PLXNC1: variants seen among roughly 807,000 people sequenced by gnomAD.
PLXNC1 encodes plexin-C1.
Under a neutral mutation model 178.2 loss-of-function variants are expected in PLXNC1, and 75 were observed. The observed-to-expected ratio is 0.42, with a 90% CI of 0.35 to 0.51. The LOEUF is 0.51. Ranked by LOEUF, PLXNC1 falls within the 20% of genes least tolerant of loss-of-function variation. The pLI is 0.02. For synonymous variants in PLXNC1, 790 were observed against 779.9 expected (o/e 1.01, Z -0.22); for missense variants, 1,503 against 1,984.4 (o/e 0.76, Z 4.61).
intron 4 of PLXNC1, among the ~76,000 whole-genome samples, chr12:94,201,293 G>A (rs888862359): frequency 1.2e-4 from 18 of 152,214 alleles, no homozygotes; most frequent in African/African-American, 4.1e-4. Flanking sequence ...AAGGCATGTT[G>A]GGCATTGAGC....
intron 17 of PLXNC1, chr12:94,256,267 A>G (rs1357817812): frequency 6.6e-6 from 1 of 152,228 alleles, no homozygotes; most frequent in Admixed American, 6.5e-5. Flanking sequence ...GAGTTCAGAA[A>G]CCCAGACACA....
At chr12:94,166,904 C>G (rs991727425) in intron 1 of PLXNC1, among the ~76,000 whole-genome samples, 1 of 151,952 alleles carries the variant, frequency 6.6e-6, no homozygotes, top group Non-Finnish European at 1.5e-5. Flanking sequence ...ATAGGTGGGA[C>G]AACAGGTGTG....
intron 6 of PLXNC1, among the ~76,000 whole-genome samples, chr12:94,221,855 C>T (rs1195322406): frequency 1.3e-5 from 2 of 152,132 alleles, no homozygotes; most frequent in Non-Finnish European, 2.9e-5. Context: ...GAGGGTGCAG[C>T]CCTCATGATT....
chr12:94,162,470 A>G (rs1961420173), intron 1 of PLXNC1, among the ~76,000 whole-genome samples: 1 of 152,194 alleles, frequency 6.6e-6, no homozygotes, highest in African/African-American at 2.4e-5. Flanking sequence ...CAGCATTGTG[A>G]TGGGAAGCCA....
At chr12:94,220,201 C>A (rs752724837) in intron 6 of PLXNC1, 38 bp downstream of exon 6, 15 of 1,588,016 alleles carry the variant, frequency 9.4e-6, no homozygotes, top group African/African-American at 4.1e-5. Context: ...GTTATAAAAT[C>A]AAAAAAACAA....
chr12:94,166,566 T>TTAC (rs1565789053), intron 1 of PLXNC1, among the ~76,000 whole-genome samples: 1 of 145,938 alleles, frequency 6.9e-6, no homozygotes, highest in Non-Finnish European at 1.5e-5. Context: ...ATTATTATTA[T>TTAC]TACTATCATC....
intron 2 of PLXNC1, among the ~76,000 whole-genome samples, chr12:94,170,907 C>G (rs1395234693): frequency 6.6e-6 from 1 of 152,216 alleles, no homozygotes; most frequent in African/African-American, 2.4e-5. Context: ...ACGTCTGTAG[C>G]TCCACCAACC....
rs993636645 is a variant in PLXNC1, at chr12:94,150,017, C to T, written c.1046C>T (p.Thr349Met). The change falls in exon 1 of 31, where the codon ACG becomes ATG. Residue 349 changes from threonine (T) to methionine (M), a missense_variant. Physicochemically the swap from Thr to Met is moderately conservative, Grantham distance 81. This residue lies in a region of PLXNC1 where 615 missense variants were observed against 698.6 expected (regional missense o/e 0.88). Transcript: ENST00000258526. ...AAGAGGGTCAGCTGGGACTTCAAGACGGCCGAGAGCCACTGCGTAAGTCCT... is the reference window on the plus strand; with the variant it reads ...AAGAGGGTCAGCTGGGACTTCAAGATGGCCGAGAGCCACTGCGTAAGTCCT... ...RAKRVSWDFK[T>M]AESHCKEGDQ... 8 of 1,594,828 alleles carry T rather than the reference C, an allele frequency of 5.0e-6. No individual in the cohort carries two copies. The highest frequency in any genetic ancestry group is 4.0e-5 in the African/African-American group (3 of 74,270).
chr12:94,247,342 G>A (rs1278607188), intron 12 of PLXNC1, among the ~76,000 whole-genome samples: 2 of 151,946 alleles, frequency 1.3e-5, no homozygotes, highest in Non-Finnish European at 2.9e-5. Flanking sequence ...CCTGTTTTCT[G>A]TTATGCCTGA....
intron 15 of PLXNC1, among the ~76,000 whole-genome samples, chr12:94,252,581 CTA>C (rs1473387969): frequency 2.0e-5 from 3 of 152,186 alleles, no homozygotes; most frequent in Non-Finnish European, 2.9e-5. Flanking sequence ...GTAGCATTGT[CTA>C]AAACTATTAA....
rs1271961566 is a variant in PLXNC1 at position 94,260,570 on chromosome 12, T to C, written c.3252-72T>C. 1.8e-6 allele frequency: 2 copies of C among 1,119,620 alleles called. No homozygotes were observed. Among genetic ancestry groups the C allele is most frequent in the East Asian group, 4.9e-5 (2 of 40,988 alleles). The allele number at this position is 1,119,620 out of a possible 1,614,324, so 69.4% of individuals were successfully genotyped here. On this transcript the variant is annotated intron_variant, in intron 19 of 30. Transcript: ENST00000258526. The surrounding 1 kb of genome is among the most constrained non-coding windows in gnomAD (Gnocchi z 4.4). ...CCAGCTCCCTGCCCTGCCAGTGAGC[T>C]TCCATGGAAACTCCCATGGGTGTCC...
In PLXNC1 at chr12:94,279,637, G is replaced by A. The variant is rs1205323959; in HGVS notation, c.3763G>A (p.Glu1255Lys). ...NGSPYGLQLNEIGLELQMGTR... is the reference protein window; with the variant it reads ...NGSPYGLQLNKIGLELQMGTR... ...CTCTCCTTATGGACTTCAGCTTAATGAAATTGGTCTTGGTAAGGCGGTGCG... is the reference window on the plus strand; with the variant it reads ...CTCTCCTTATGGACTTCAGCTTAATAAAATTGGTCTTGGTAAGGCGGTGCG... Residue 1255 changes from glutamate to lysine, a missense_variant, in exon 22 of 31, where the codon GAA becomes AAA. Physicochemically the swap from Glu to Lys is moderately conservative, Grantham distance 56. Around this residue, in one of 4 missense-constraint regions of PLXNC1, gnomAD observed 639 missense variants for 979.7 expected, o/e 0.65. Coordinates refer to ENST00000258526, the MANE Select transcript of PLXNC1 (RefSeq NM_005761.3). 1.2e-6 allele frequency: 2 copies of A among 1,614,156 alleles called. No individual in the cohort carries two copies. The highest frequency in any genetic ancestry group is 1.7e-6 in the Non-Finnish European group (2 of 1,179,988).
intron 23 of PLXNC1, among the ~76,000 whole-genome samples, chr12:94,285,827 C>T (rs1357096134): frequency 6.6e-6 from 1 of 152,158 alleles, no homozygotes; most frequent in Non-Finnish European, 1.5e-5. Context: ...GACACAGACT[C>T]CAAGGCCCTC....
At chr12:94,179,945 A>G (rs997454804) in intron 2 of PLXNC1, among the ~76,000 whole-genome samples, 1 of 152,184 alleles carries the variant, frequency 6.6e-6, no homozygotes, top group African/African-American at 2.4e-5. Context: ...TTAAGTTACC[A>G]GTTCAAAGTA....
At position 94,259,739 on chromosome 12, in the gene PLXNC1, T is replaced by G; in HGVS notation, c.3251+5T>G. 6.3e-7 allele frequency: 1 copy of G among 1,595,166 alleles called. No homozygotes were observed. On this transcript the variant is annotated splice_donor_5th_base_variant and intron_variant, in intron 19 of 30. Transcript: ENST00000258526. ...GAACTTTTCTGTGAAGGACAGGTAT[T>G]AGTCCATTCTTTGATGTTTTAAAAG...
Position 94,227,313 on chromosome 12 carries a change from T to C in PLXNC1, c.1980+78T>C, listed in dbSNP as rs142617311. 1.7e-3 allele frequency: 1,351 copies of C among 815,216 alleles called. 7 individuals are homozygous for C. The highest frequency in any genetic ancestry group is 0.017 in the African/African-American group (964 of 58,250). The allele number at this position is 815,216 out of a possible 1,614,324, so 50.5% of individuals were successfully genotyped here. On this transcript the variant is annotated intron_variant, in intron 9 of 30. Coordinates refer to ENST00000258526, the MANE Select transcript of PLXNC1 (RefSeq NM_005761.3). ...TGACCACAACTCATACTACTTTGGGTTCCTTAAAAAAATTCTCTATTTTAC... is the reference window on the plus strand; with the variant it reads ...TGACCACAACTCATACTACTTTGGGCTCCTTAAAAAAATTCTCTATTTTAC...
chr12:94,287,473 C>T (rs776998544), intron 23 of PLXNC1, among the ~76,000 whole-genome samples: 8 of 152,068 alleles, frequency 5.3e-5, no homozygotes, highest in Non-Finnish European at 8.8e-5. Context: ...TTGGCTGGGC[C>T]GAGTTATTGC....
At chr12:94,246,462 AG>A in intron 12 of PLXNC1, among the ~76,000 whole-genome samples, 1 of 152,310 alleles carries the variant, frequency 6.6e-6, no homozygotes, top group South Asian at 2.1e-4. Context: ...CAGAGGAGGA[AG>A]AAAAGAGCAC....
At chr12:94,231,929 G>T (rs1052233118) in intron 9 of PLXNC1, among the ~76,000 whole-genome samples, 1 of 152,160 alleles carries the variant, frequency 6.6e-6, no homozygotes, top group Non-Finnish European at 1.5e-5. Context: ...AGGAGAGATT[G>T]TGAAGATTTA....
Sources: allele counts gnomAD v4.1 joint callset (sites outside exome capture counted in the v4.1 genomes callset), GRCh38; gene constraint gnomAD v4.1.1; regional missense constraint gnomAD v4.1.1; non-coding constraint Gnocchi (gnomAD v3.1); transcripts MANE v1.5; gene names NCBI Gene and HGNC (gene_info 2026-07-23, HGNC 2026-07-21).